The following SLC38A10 variants were observed in gnomAD, a reference collection of about 807,000 sequenced individuals.
SLC38A10 encodes the protein Sodium-coupled neutral amino acid transporter 10.
SLC38A10 carries 53 observed loss-of-function variants against 81.0 expected under a neutral mutation model. The ratio of observed to expected loss-of-function variants is 0.65; its 90% CI spans 0.53 to 0.82. The LOEUF is 0.82. Among genes scored for constraint, SLC38A10 ranks in the 40% least tolerant of loss-of-function variants. The pLI is 0.00. For missense variants in SLC38A10, 1,471 were observed against 1,545.0 expected, an observed-to-expected ratio of 0.95 and a Z score of 0.80; for synonymous variants, 665 against 655.3, an observed-to-expected ratio of 1.01 and a Z score of -0.23.
chr17:81,250,746 G>T, intron 14 of SLC38A10: 1 of 845,454 alleles, frequency 1.2e-6, no homozygotes, highest in Non-Finnish European at 1.4e-6. Flanking sequence ...CCTAGCCTGG[G>T]AGAGGACATG....
chr17:81,279,528 C>T (rs2063190580), intron 6 of SLC38A10, among the ~76,000 whole-genome samples: 1 of 152,196 alleles, frequency 6.6e-6, no homozygotes, highest in Non-Finnish European at 1.5e-5. Flanking sequence ...GAGGGATGTC[C>T]CTGCTGGGGA....
Position 81,295,011 on chromosome 17 carries a change from A to G in SLC38A10, c.-90T>C, listed in dbSNP as rs1191151537. ...AAGCCCAGCCCGAGGCCACGGTCACAGGTCCCAACGTCCGGGACGCCGGTG... is the reference window on the plus strand; with the variant it reads ...AAGCCCAGCCCGAGGCCACGGTCACGGGTCCCAACGTCCGGGACGCCGGTG... On this transcript the variant is annotated 5_prime_UTR_variant, in exon 1 of 16. Coordinates refer to ENST00000374759, the MANE Select transcript of SLC38A10 (RefSeq NM_001037984.3). The G allele has an allele frequency of 2.0e-5, 29 of 1,437,976 alleles. No homozygotes were observed. The highest frequency in any genetic ancestry group is 2.7e-5 in the Non-Finnish European group (29 of 1,090,534). 89.1% of individuals were successfully genotyped at this position (1,437,976 alleles called of 1,614,324 possible). A position where few individuals can be genotyped will look rare whatever the true frequency, so the allele number is the denominator to read the frequency against.
At position 81,288,142 on chromosome 17, in the gene SLC38A10, G is replaced by T. The variant is rs1677860605; in HGVS notation, c.217+1549C>A. ...GAATACATCCCCTCCGGTTCTGAGG[G>T]CCGAAACGAACGCAGGACTCTCTGT... On this transcript the variant is annotated intron_variant, in intron 2 of 15. Coordinates refer to ENST00000374759, the MANE Select transcript of SLC38A10 (RefSeq NM_001037984.3). The surrounding 1 kb of genome is among the most constrained non-coding windows in gnomAD (Gnocchi z 5.4). 6.6e-6 allele frequency among the ~76,000 whole-genome samples: 1 copy of T among 152,236 alleles called. No homozygotes were observed. The highest frequency in any genetic ancestry group is 1.5e-5 in the Non-Finnish European group (1 of 68,036).
intron 2 of SLC38A10, 55 bp from the exon 3 acceptor site, chr17:81,284,950 A>G: frequency 6.7e-7 from 1 of 1,496,388 alleles, no homozygotes; most frequent in Non-Finnish European, 9.0e-7. Flanking sequence ...GCTCGTCCAG[A>G]ACAAAGGTAC....
Position 81,289,745 on chromosome 17 carries a change from T to G in SLC38A10, c.163A>C (p.Met55Leu). 1 of 1,611,224 alleles carries G rather than the reference T, an allele frequency of 6.2e-7. No individual in the cohort carries two copies. The highest frequency in any genetic ancestry group is 8.5e-7 in the Non-Finnish European group (1 of 1,179,572). ...AGGCTGGCCGACTTCACCAAGAACA[T>G]GCACGACTGGTGCGTCATCCATGAG... ...FCSWMTHQSC[M>L]FLVKSASLSK... Residue 55 changes from methionine to leucine, a missense_variant, in exon 2 of 16, where the codon ATG (methionine) becomes CTG (leucine). By Grantham distance (15) the Met-to-Leu change is conservative. Around this residue, in one of 2 missense-constraint regions of SLC38A10, gnomAD observed 720 missense variants for 827.7 expected, o/e 0.87. Coordinates refer to ENST00000374759, the MANE Select transcript of SLC38A10 (RefSeq NM_001037984.3). This position sits in a 1 kb window ranked among gnomAD's most constrained non-coding sequence, Gnocchi z 5.9.
intron 8 of SLC38A10, among the ~76,000 whole-genome samples, chr17:81,273,998 G>A (rs7216728): frequency 0.048 from 7,311 of 152,338 alleles, 313 homozygotes; most frequent in African/African-American, 0.11. Flanking sequence ...TTGGGATGAA[G>A]GGGGTTGCGT....
intron 10 of SLC38A10, among the ~76,000 whole-genome samples, chr17:81,269,987 T>C: frequency 6.6e-6 from 1 of 151,856 alleles, no homozygotes; most frequent in East Asian, 1.9e-4. Flanking sequence ...AAATTATCAA[T>C]ATATTCCAGT....
Position 81,260,416 on chromosome 17 carries a change from G to A in SLC38A10, c.1132-22C>T. The A allele has an allele frequency of 5.0e-6, 8 of 1,600,860 alleles. No homozygotes were observed. The South Asian group carries it at 7.8e-5, about 16-fold the overall frequency. On this transcript the variant is annotated intron_variant, in intron 10 of 15. Transcript: ENST00000374759. ...CCACCTGAGGAGACAAAGACCCCAG[G>A]GGCGGGAGTCACAGCTGGCCCCCGC...
chr17:81,283,494 C>T lies in SLC38A10; in HGVS notation c.272G>A (p.Gly91Glu). The T allele has an allele frequency of 6.2e-7, 1 of 1,610,144 alleles. No homozygotes were observed. The change falls in exon 4 of 16, where the codon GGG (glycine) becomes GAG (glutamate). Residue 91 changes from glycine to glutamate, a missense_variant. Gly to Glu is a moderately conservative substitution (Grantham distance 98, BLOSUM62 -2). Around this residue, in one of 2 missense-constraint regions of SLC38A10, gnomAD observed 720 missense variants for 827.7 expected, o/e 0.87. Transcript: ENST00000374759. This position sits in a 1 kb window ranked among gnomAD's most constrained non-coding sequence, Gnocchi z 4.7. ...GKMLVETSMI[G>E]LMLGTCIAFY... ...GGCGATGCAGGTGCCCAGCATCAGC[C>T]CGATCATGCTGCACAGGGACGGGGG...
chr17:81,249,713 A>G (rs1335861180), intron 14 of SLC38A10, among the ~76,000 whole-genome samples: 1 of 151,914 alleles, frequency 6.6e-6, no homozygotes, highest in Non-Finnish European at 1.5e-5. Context: ...GTTGAGACCC[A>G]TGCAGATCTG....
intron 10 of SLC38A10, among the ~76,000 whole-genome samples, chr17:81,267,914 G>A (rs1203613997): frequency 6.6e-6 from 1 of 151,574 alleles, no homozygotes; most frequent in Non-Finnish European, 1.5e-5. Flanking sequence ...CAACAGCCTA[G>A]AGCCTGGGCA....
Position 81,245,665 on chromosome 17 carries a change from T to C in SLC38A10, c.3251A>G (p.Asp1084Gly). The C allele has an allele frequency of 6.2e-7, 1 of 1,610,640 alleles. No homozygotes were observed. Among genetic ancestry groups the C allele is most frequent in the Non-Finnish European group, 8.5e-7 (1 of 1,178,816 alleles). ...CTGGGCATCCAGGGCGCCACGGAGG[T>C]CGTTCACCTGGACATCAGGCAGGGG... is the stretch of plus-strand genomic sequence containing the variant. ...LNPLPDVQVNDLRGALDAQLR... is the reference protein window; with the variant it reads ...LNPLPDVQVNGLRGALDAQLR... The change falls in exon 16 of 16, where the codon GAC becomes GGC. Residue 1084 changes from aspartate to glycine, a missense_variant. Physicochemically the swap from Asp to Gly is moderately conservative, Grantham distance 94. This residue lies in a region of SLC38A10 where 751 missense variants were observed against 717.4 expected (regional missense o/e 1.05). Coordinates refer to ENST00000374759, the MANE Select transcript of SLC38A10 (RefSeq NM_001037984.3).
At chr17:81,282,440 T>A in intron 4 of SLC38A10, 108 bp from the exon 5 acceptor site, 2 of 1,447,902 alleles carry the variant, frequency 1.4e-6, no homozygotes, top group Non-Finnish European at 1.9e-6. Flanking sequence ...GCCGACGGCA[T>A]CCAGGTGAAT....
intron 6 of SLC38A10, among the ~76,000 whole-genome samples, chr17:81,278,111 C>T (rs901633110): frequency 1.8e-4 from 28 of 152,142 alleles, no homozygotes; most frequent in Non-Finnish European, 3.8e-4. Context: ...TCCCAAACCG[C>T]CTTGAAGAAA....
chr17:81,259,104 A>G (rs1233973342), intron 11 of SLC38A10, among the ~76,000 whole-genome samples: 1 of 152,228 alleles, frequency 6.6e-6, no homozygotes, highest in Non-Finnish European at 1.5e-5. Flanking sequence ...AGAGATGACA[A>G]CAAGCCCCAG....
At chr17:81,280,885 C>T (rs927964216) in intron 5 of SLC38A10, 152 bp from the exon 6 acceptor site, 50 of 916,046 alleles carry the variant, frequency 5.5e-5, no homozygotes, top group African/African-American at 4.6e-4. Context: ...CGCCCTGTGC[C>T]GCCTTGTGCC....
At position 81,276,852 on chromosome 17, in the gene SLC38A10, A is replaced by G. The variant is rs766530284; in HGVS notation, c.729+179T>C. 7.8e-4 allele frequency among the ~76,000 whole-genome samples: 119 copies of G among 152,152 alleles called. 2 individuals are homozygous for G. The highest frequency in any genetic ancestry group is 3.7e-4 in the Non-Finnish European group (25 of 68,028). ...GGCTCACAGGGCTGGTCCTGGAATG[A>G]TGGAAGCTGATGGAGCTGCCCCAGG... On this transcript the variant is annotated intron_variant, in intron 7 of 15. Coordinates refer to ENST00000374759, the MANE Select transcript of SLC38A10 (RefSeq NM_001037984.3). This position sits in a 1 kb window ranked among gnomAD's most constrained non-coding sequence, Gnocchi z 4.7.
chr17:81,260,332 G>C lies in SLC38A10; in HGVS notation c.1194C>G (p.Ser398Arg). 2.5e-6 allele frequency: 4 copies of C among 1,609,440 alleles called. No individual in the cohort carries two copies. Among genetic ancestry groups the C allele is most frequent in the Non-Finnish European group, 3.4e-6 (4 of 1,178,532 alleles). Residue 398 changes from serine to arginine, a missense_variant, in exon 11 of 16, where the codon AGC (serine) becomes AGG (arginine). Physicochemically the swap from Ser to Arg is moderately radical, Grantham distance 110 (BLOSUM62 -1). Transcript: ENST00000374759. ...CTGCCAAGTCCTCGGGGACCTCCTC[G>C]CTCACAGACAGTGTGGTGACAGTGC... ...VVSTVTTLSV[S>R]EEVPEDLAEE...
intron 11 of SLC38A10, among the ~76,000 whole-genome samples, chr17:81,254,766 C>T (rs1307181536): frequency 2.0e-5 from 3 of 152,216 alleles, no homozygotes; most frequent in Admixed American, 6.5e-5. Context: ...ATTCTATAAG[C>T]GTATGGCCAC....
Sources: gnomAD v4.1 joint callset for allele counts (sites outside exome capture counted in the v4.1 genomes callset) on GRCh38, gnomAD v4.1.1 for gene constraint, gnomAD v4.1.1 regional missense constraint, Gnocchi (gnomAD v3.1) non-coding constraint, MANE v1.5 for transcripts, NCBI Gene and HGNC (gene_info 2026-07-23, HGNC 2026-07-21) for gene names.